Variants in MBNL1 observed in about 807,000 individuals in gnomAD.
MBNL1 encodes muscleblind like splicing regulator 1.
A neutral mutation model predicts 42.2 loss-of-function variants in MBNL1; 8 were observed. The observed-to-expected ratio is 0.19, with a 90% confidence interval of 0.11 to 0.34. MBNL1 has a LOEUF of 0.34. MBNL1 is among the 10% of genes least tolerant of loss of function. The pLI, the probability that MBNL1 is intolerant of heterozygous loss-of-function variation, is 1.00. For synonymous variants in MBNL1, 169 were observed against 173.9 expected (o/e 0.97, Z 0.22); for missense variants, 309 against 495.3 (o/e 0.62, Z 3.57).
At chr3:152,410,217 CTT>C (rs1335514593) in intron 2 of MBNL1, among the ~76,000 whole-genome samples, 1 of 152,034 alleles carries the variant, frequency 6.6e-6, no homozygotes, top group Non-Finnish European at 1.5e-5. Flanking sequence ...GGATTAAACA[CTT>C]AATCTAAATG....
At chr3:152,391,911 T>C (rs1444200409) in intron 2 of MBNL1, among the ~76,000 whole-genome samples, 2 of 152,196 alleles carry the variant, frequency 1.3e-5, no homozygotes, top group Admixed American at 1.3e-4. Flanking sequence ...TTCTGATGAA[T>C]GCATTCCAAT....
chr3:152,361,715 A>G (rs1005336761), intron 2 of MBNL1, among the ~76,000 whole-genome samples: 2 of 152,186 alleles, frequency 1.3e-5, no homozygotes, highest in African/African-American at 4.8e-5. Context: ...TTATCCTGAA[A>G]AAGATGGTGG....
chr3:152,302,230 A>G (rs1460411288), intron 2 of MBNL1: 1 of 152,190 alleles, frequency 6.6e-6, no homozygotes, highest in African/African-American at 2.4e-5. Context: ...TGAACTCATT[A>G]CAGCAGCTAA....
At chr3:152,452,442 A>G (rs1433728237) in intron 6 of MBNL1, among the ~76,000 whole-genome samples, 1 of 152,136 alleles carries the variant, frequency 6.6e-6, no homozygotes, top group African/African-American at 2.4e-5. Flanking sequence ...GGTCCTGTAC[A>G]GTCTAGTATT....
chr3:152,291,495 T>TA (rs907007218), intron 1 of MBNL1, among the ~76,000 whole-genome samples: 1 of 152,210 alleles, frequency 6.6e-6, no homozygotes, highest in African/African-American at 2.4e-5. Context: ...CCCAATATAC[T>TA]AAACCATATA....
chr3:152,346,141 G>A (rs1003760389), intron 2 of MBNL1, among the ~76,000 whole-genome samples: 2 of 152,096 alleles, frequency 1.3e-5, no homozygotes, highest in African/African-American at 2.4e-5. Flanking sequence ...GTGGCAGGAT[G>A]GGGTCCAAAC....
intron 4 of MBNL1, among the ~76,000 whole-genome samples, chr3:152,443,508 A>ACACACAC (rs61600245): frequency 6.6e-6 from 1 of 151,020 alleles, no homozygotes; most frequent in South Asian, 2.1e-4. Context: ...ACACACACAC[A>ACACACAC]ACTTTTTATC....
At position 152,462,811 on chromosome 3, in the gene MBNL1, A is replaced by T. The variant is rs781768738; in HGVS notation, c.*445A>T. The T allele has an allele frequency of 1.3e-5, 2 of 152,312 alleles. No individual in the cohort carries two copies. The highest frequency in any genetic ancestry group is 4.8e-5 in the African/African-American group (2 of 41,464). The allele number at this position is 152,312 out of a possible 1,614,324, so 9.4% of individuals were successfully genotyped here. ...AAGTTTATTTCTTTCAAGGTTTACA[A>T]ATAACAAAGGTGCACCTTGTATTTA... On this transcript the variant is annotated 3_prime_UTR_variant, in exon 10 of 10. Coordinates refer to ENST00000324210, the MANE Select transcript of MBNL1 (RefSeq NM_021038.5).
chr3:152,419,253 T>TA (rs1171947369), intron 3 of MBNL1, among the ~76,000 whole-genome samples: 5 of 152,020 alleles, frequency 3.3e-5, no homozygotes, highest in Admixed American at 1.3e-4. Context: ...TATTTAAATT[T>TA]AAAAAAATAA....
intron 2 of MBNL1, among the ~76,000 whole-genome samples, chr3:152,319,161 C>T (rs2074470202): frequency 6.6e-6 from 1 of 152,060 alleles, no homozygotes; most frequent in South Asian, 2.1e-4. Context: ...TCACGGAAAA[C>T]CTTTTTTTGG....
At chr3:152,418,948 C>A (rs2098752025) in intron 3 of MBNL1, among the ~76,000 whole-genome samples, 1 of 151,966 alleles carries the variant, frequency 6.6e-6, no homozygotes, top group Non-Finnish European at 1.5e-5. Context: ...GATCTCCTGA[C>A]CTTGTGATCC....
At chr3:152,312,382 G>C (rs1161996561) in intron 2 of MBNL1, among the ~76,000 whole-genome samples, 1 of 152,124 alleles carries the variant, frequency 6.6e-6, no homozygotes, top group East Asian at 1.9e-4. Context: ...GCCACGCATT[G>C]TGTTTTGGCG....
intron 6 of MBNL1, 51 bp downstream of exon 6, chr3:152,447,824 C>T: frequency 6.4e-7 from 1 of 1,560,266 alleles, no homozygotes; most frequent in African/African-American, 1.4e-5. Context: ...ACAGAGAGTC[C>T]TACTGTTAGA....
At chr3:152,256,331 A>G (rs16864097) in intron 2 of MBNL1, among the ~76,000 whole-genome samples, 1,603 of 152,292 alleles carry the variant, frequency 0.011, 32 homozygotes, top group African/African-American at 0.036. Flanking sequence ...CCATTTGAAG[A>G]TATGTACACT....
chr3:152,266,613 A>G (rs1260247486), upstream of MBNL1: 3 of 152,224 alleles, frequency 2.0e-5, no homozygotes, highest in African/African-American at 7.2e-5. Flanking sequence ...AGGGGCATGG[A>G]AGCTAGCTAG....
intron 2 of MBNL1, among the ~76,000 whole-genome samples, chr3:152,402,502 A>G (rs141331046): frequency 2.8e-4 from 42 of 152,228 alleles, no homozygotes; most frequent in Non-Finnish European, 5.1e-4. Context: ...TGCTCTTTCC[A>G]TGTCAACTCC....
exon 1 of MBNL1, chr3:152,243,943 T>A: frequency 6.6e-6 from 1 of 152,190 alleles, no homozygotes; most frequent in Admixed American, 6.6e-5. Context: ...GTAAGTGGGA[T>A]TCAGACGCCT....
chr3:152,255,891 G>A (rs551691709), intron 2 of MBNL1, among the ~76,000 whole-genome samples: 27 of 152,290 alleles, frequency 1.8e-4, no homozygotes, highest in Middle Eastern at 6.8e-3. Flanking sequence ...ATTGACCAGC[G>A]CAAGGGCCAG....
chr3:152,314,573 C>T (rs1004525610), intron 2 of MBNL1, among the ~76,000 whole-genome samples: 1 of 152,136 alleles, frequency 6.6e-6, no homozygotes, highest in African/African-American at 2.4e-5. Flanking sequence ...CAGAGTTTCT[C>T]CTTGTTGGTC....
Sources: allele counts gnomAD v4.1 joint callset (sites outside exome capture counted in the v4.1 genomes callset), GRCh38; gene constraint gnomAD v4.1.1; transcripts MANE v1.5; gene names NCBI Gene and HGNC (gene_info 2026-07-23, HGNC 2026-07-21).